TTLL11: variants seen among roughly 807,000 people sequenced by gnomAD.
The protein encoded by TTLL11 is tubulin tyrosine ligase like 11, also known as tubulin polyglutamylase TTLL11.
TTLL11 carries 42 observed loss-of-function variants against 51.7 expected under a neutral mutation model. That is an observed-to-expected ratio of 0.81 (90% CI 0.64 to 1.05). The LOEUF is 1.05. Ranked by LOEUF, TTLL11 falls within the 50% of genes least tolerant of loss-of-function variation. TTLL11 has a pLI of 0.00. For missense variants in TTLL11, 799 were observed against 940.4 expected, an observed-to-expected ratio of 0.85 and a Z score of 1.97; for synonymous variants, 381 against 383.5, an observed-to-expected ratio of 0.99 and a Z score of 0.08.
chr9:121,892,774 C>T (rs1414893439), intron 6 of TTLL11, among the ~76,000 whole-genome samples: 1 of 152,232 alleles, frequency 6.6e-6, no homozygotes, highest in Non-Finnish European at 1.5e-5. Flanking sequence ...ATACCTCTGC[C>T]TGCCCAGAAG....
chr9:121,872,058 G>A (rs113817147), intron 6 of TTLL11, among the ~76,000 whole-genome samples: 6 of 152,224 alleles, frequency 3.9e-5, no homozygotes, highest in Non-Finnish European at 8.8e-5. Flanking sequence ...TTAGGATGAC[G>A]TCTCGTGGTA....
At chr9:121,894,976 G>C (rs1232638619) in intron 6 of TTLL11, among the ~76,000 whole-genome samples, 3 of 139,144 alleles carry the variant, frequency 2.2e-5, no homozygotes, top group Non-Finnish European at 4.7e-5. Flanking sequence ...ATTCATGGTT[G>C]AGAAGAAAAG....
intron 6 of TTLL11, among the ~76,000 whole-genome samples, chr9:121,969,508 C>T (rs6478550): frequency 0.91 from 139,109 of 152,090 alleles, 64,013 homozygotes; most frequent in Non-Finnish European, 0.97. Flanking sequence ...CCAGGGCAGT[C>T]TGGGGAGATG....
chr9:121,970,878 T>C (rs1472665722), intron 6 of TTLL11, among the ~76,000 whole-genome samples: 2 of 152,246 alleles, frequency 1.3e-5, no homozygotes, highest in Non-Finnish European at 2.9e-5. Context: ...TAAATCTTTC[T>C]ACTATAAAGA....
chr9:122,063,121 C>A (rs917750012), intron 1 of TTLL11, among the ~76,000 whole-genome samples: 1 of 152,034 alleles, frequency 6.6e-6, no homozygotes, highest in Non-Finnish European at 1.5e-5. Flanking sequence ...CTCCTTTGCC[C>A]GAATTTTTTT....
chr9:122,085,057 C>T (rs1231562668), intron 1 of TTLL11, among the ~76,000 whole-genome samples: 1 of 152,098 alleles, frequency 6.6e-6, no homozygotes, highest in Non-Finnish European at 1.5e-5. Context: ...GTCAGGAGTT[C>T]GAGACCAGCC....
chr9:122,042,133 GC>G (rs1844862043), intron 1 of TTLL11, among the ~76,000 whole-genome samples: 1 of 151,384 alleles, frequency 6.6e-6, no homozygotes, highest in South Asian at 2.1e-4. Flanking sequence ...TTCTGCCTCA[GC>G]CCCCCGAGTG....
At position 121,974,102 on chromosome 9, in the gene TTLL11, T is replaced by C; in HGVS notation, c.1388A>G (p.Asn463Ser). Reference protein sequence around the residue: ...EHELSPGVFENVPSLVDEEVK... With the variant: ...EHELSPGVFESVPSLVDEEVK... ...TTCTTCATCAACGAGGCTGGGGACA[T>C]TTTCAAACACCCCTGGAGAAAGCTT... Residue 463 changes from asparagine (N) to serine (S), a missense_variant, in exon 6 of 9, where the codon AAT (asparagine) becomes AGT (serine). Physicochemically the swap from Asn to Ser is conservative, Grantham distance 46. Transcript: ENST00000321582. 1 of 1,551,430 alleles carries C rather than the reference T, an allele frequency of 6.4e-7. No individual in the cohort carries two copies. The highest frequency in any genetic ancestry group is 2.0e-5 in the Admixed American group (1 of 50,984).
intron 6 of TTLL11, among the ~76,000 whole-genome samples, chr9:121,909,342 G>A (rs980928039): frequency 5.3e-5 from 8 of 152,024 alleles, no homozygotes; most frequent in African/African-American, 7.2e-5. Context: ...CCCTGCCGCC[G>A]TGCTCCTTGA....
At chr9:121,837,066 C>T (rs1328615787) in intron 8 of TTLL11, among the ~76,000 whole-genome samples, 1 of 152,184 alleles carries the variant, frequency 6.6e-6, no homozygotes, top group Admixed American at 6.5e-5. Flanking sequence ...TTAACCATGC[C>T]TTGACGCTTC....
intron 3 of TTLL11, among the ~76,000 whole-genome samples, chr9:122,000,399 T>C (rs1018102373): frequency 5.8e-5 from 8 of 137,042 alleles, no homozygotes; most frequent in African/African-American, 2.2e-4. Context: ...GTGAACCCAG[T>C]AGGCGGAGCT....
chr9:121,825,395 G>A (rs1290818283), intron 8 of TTLL11, among the ~76,000 whole-genome samples: 1 of 152,188 alleles, frequency 6.6e-6, no homozygotes, highest in African/African-American at 2.4e-5. Flanking sequence ...GTGTGTCCCT[G>A]GTCCCTGACA....
chr9:121,966,331 A>C (rs1056464016), intron 6 of TTLL11, among the ~76,000 whole-genome samples: 19 of 150,556 alleles, frequency 1.3e-4, no homozygotes, highest in African/African-American at 3.4e-4. Flanking sequence ...TATCAATAAA[A>C]CCCCCTCCGA....
intron 6 of TTLL11, among the ~76,000 whole-genome samples, chr9:121,917,394 C>T (rs541655555): frequency 6.6e-6 from 1 of 151,774 alleles, no homozygotes; most frequent in South Asian, 2.1e-4. Context: ...CACTTGAGCC[C>T]CAGAGTTCAA....
intron 6 of TTLL11, among the ~76,000 whole-genome samples, chr9:121,954,634 C>G (rs1841962119): frequency 1.3e-5 from 2 of 151,850 alleles, no homozygotes; most frequent in Non-Finnish European, 2.9e-5. Flanking sequence ...TGGTGAGAGA[C>G]TGTCAAGAAC....
intron 8 of TTLL11, among the ~76,000 whole-genome samples, chr9:121,841,779 G>A (rs2131356743): frequency 6.6e-6 from 1 of 152,206 alleles, no homozygotes; most frequent in East Asian, 1.9e-4. Context: ...ATTTCAGGTT[G>A]TCTAGCAGCA....
chr9:121,933,505 G>A (rs940025626), intron 6 of TTLL11, among the ~76,000 whole-genome samples: 2 of 152,074 alleles, frequency 1.3e-5, no homozygotes, highest in African/African-American at 2.4e-5. Context: ...TGTCTAGTGT[G>A]GAGATCAGTG....
rs76166887 is a variant in TTLL11, at chr9:121,942,666, C to A, written c.1481+31343G>T. 6.4e-4 allele frequency among the ~76,000 whole-genome samples: 97 copies of A among 151,728 alleles called. No individual in the cohort carries two copies. The Middle Eastern group carries it at 0.014, about 22-fold the overall frequency. On this transcript the variant is annotated intron_variant, in intron 6 of 8. Transcript: ENST00000321582. ...TCTCTGAGCCTGACATTCAGGCTCT[C>A]GCAGTCTAGTTCTGACCTGCCAAAA...
At chr9:121,982,717 C>CA (rs71371907) in intron 4 of TTLL11, among the ~76,000 whole-genome samples, 41,488 of 97,188 alleles carry the variant, frequency 0.43, 8,864 homozygotes, top group East Asian at 0.68. Context: ...AACTCCAACT[C>CA]AAAAAAAAAA....
Sources: gnomAD v4.1 joint callset for allele counts (sites outside exome capture counted in the v4.1 genomes callset) on GRCh38, gnomAD v4.1.1 for gene constraint, MANE v1.5 for transcripts, NCBI Gene and HGNC (gene_info 2026-07-23, HGNC 2026-07-21) for gene names.